The following WDFY1 variants were observed in gnomAD, a reference collection of about 807,000 sequenced individuals.
WDFY1 encodes the protein WD repeat and FYVE domain containing 1, also known as WD repeat and FYVE domain-containing protein 1.
Under a neutral mutation model 56.4 loss-of-function variants are expected in WDFY1, and 32 were observed. The observed-to-expected ratio is 0.57, with a 90% CI of 0.43 to 0.76. WDFY1 has a LOEUF of 0.76. WDFY1 is among the 30% of genes least tolerant of loss of function. The pLI is 0.00. For missense variants in WDFY1, 480 were observed against 545.7 expected (o/e 0.88, Z 1.20); for synonymous variants, 192 against 197.3 (o/e 0.97, Z 0.23).
intron 1 of WDFY1, among the ~76,000 whole-genome samples, chr2:223,942,527 C>CTTTTTTTTTTTTTTTTT (rs57223015): frequency 5.4e-5 from 4 of 74,218 alleles, no homozygotes; most frequent in African/African-American, 1.2e-4. Context: ...CAAAGGCTAA[C>CTTTTTTTTTTTTTTTTT]TTTTTTTTTT....
intron 8 of WDFY1, among the ~76,000 whole-genome samples, chr2:223,887,098 G>T (rs1693185780): frequency 6.6e-6 from 1 of 152,190 alleles, no homozygotes; most frequent in Non-Finnish European, 1.5e-5. Flanking sequence ...AAAGAGATGT[G>T]TATCTATGTG....
intron 1 of WDFY1, among the ~76,000 whole-genome samples, chr2:223,931,815 AGCTGGGACTACAG>A (rs1694079996): frequency 6.6e-6 from 1 of 151,482 alleles, no homozygotes; most frequent in African/African-American, 2.4e-5. Context: ...CTTCCCAAGT[AGCTGGGACTACAG>A]GCATGCACTA....
At chr2:223,886,816 AAAAT>A (rs199688532) in intron 8 of WDFY1, among the ~76,000 whole-genome samples, 3,355 of 150,918 alleles carry the variant, frequency 0.022, 61 homozygotes, top group Middle Eastern at 0.038. Context: ...TATTTTTTCT[AAAAT>A]ATATATTAAT....
intron 1 of WDFY1, among the ~76,000 whole-genome samples, chr2:223,921,523 T>C (rs1283372958): frequency 2.6e-5 from 4 of 152,172 alleles, no homozygotes; most frequent in African/African-American, 9.6e-5. Context: ...TATCCAGCAA[T>C]TAAAATAGGT....
intron 1 of WDFY1, among the ~76,000 whole-genome samples, chr2:223,938,991 A>C (rs1290315467): frequency 6.6e-6 from 1 of 151,682 alleles, no homozygotes; most frequent in African/African-American, 2.4e-5. Flanking sequence ...AGTAGCTAGG[A>C]TTACAGGTGC....
At chr2:223,932,295 T>C (rs1000363466) in intron 1 of WDFY1, among the ~76,000 whole-genome samples, 3 of 151,852 alleles carry the variant, frequency 2.0e-5, no homozygotes, top group African/African-American at 7.3e-5. Context: ...GCTAATTTTT[T>C]GTATTTTTAG....
chr2:223,897,403 G>C (rs1553536127), intron 6 of WDFY1, among the ~76,000 whole-genome samples: 1 of 88,848 alleles, frequency 1.1e-5, no homozygotes, highest in Non-Finnish European at 2.3e-5. Context: ...TTTTAAGACG[G>C]AGTCTCTCTC....
chr2:223,901,754 T>C (rs937092590), intron 4 of WDFY1, among the ~76,000 whole-genome samples: 5 of 152,176 alleles, frequency 3.3e-5, no homozygotes, highest in African/African-American at 1.2e-4. Context: ...GTAACTTCAG[T>C]GTTTTGAACC....
intron 11 of WDFY1, 84 bp from the exon 12 acceptor site, chr2:223,878,814 G>T: frequency 6.7e-7 from 1 of 1,492,814 alleles, no homozygotes; most frequent in Non-Finnish European, 9.2e-7. Context: ...ACAAACGACT[G>T]TTAAACCTGA....
rs764773579 is a variant in WDFY1 at position 223,895,644 on chromosome 2, A to T, written c.599-14T>A. The T allele has an allele frequency of 1.6e-5, 17 of 1,032,306 alleles. No individual in the cohort carries two copies. Among genetic ancestry groups the T allele is most frequent in the Non-Finnish European group, 2.1e-5 (16 of 777,934 alleles). 63.9% of individuals were successfully genotyped at this position (1,032,306 alleles called of 1,614,324 possible). On this transcript the variant is annotated splice_polypyrimidine_tract_variant and intron_variant, in intron 6 of 11. Coordinates refer to ENST00000233055, the MANE Select transcript of WDFY1 (RefSeq NM_020830.5). The stretch of plus-strand genomic sequence containing the variant: ...AGGCGACACTACCTAGGGATTTGTG[A>T]GAGAGAGAGAGAGAGGGAGGCAGGG...
chr2:223,897,699 T>C (rs549270019), intron 6 of WDFY1, among the ~76,000 whole-genome samples: 2 of 152,194 alleles, frequency 1.3e-5, no homozygotes, highest in South Asian at 4.2e-4. Flanking sequence ...CATGTTAAAC[T>C]GTAATCCCCA....
chr2:223,895,022 C>T (rs1693340583), intron 7 of WDFY1, among the ~76,000 whole-genome samples: 1 of 152,214 alleles, frequency 6.6e-6, no homozygotes, highest in Admixed American at 6.5e-5. Flanking sequence ...ACAATGGTAT[C>T]ACTCAGGTGA....
chr2:223,884,515 G>T, intron 9 of WDFY1, 133 bp downstream of exon 9: 2 of 823,368 alleles, frequency 2.4e-6, no homozygotes, highest in Non-Finnish European at 4.0e-6. Context: ...GTCACACAAT[G>T]ATAAAGACAT....
intron 3 of WDFY1, among the ~76,000 whole-genome samples, chr2:223,911,551 T>C (rs976746146): frequency 1.3e-5 from 2 of 149,054 alleles, no homozygotes; most frequent in African/African-American, 5.0e-5. Flanking sequence ...GTTCTGTGAG[T>C]TGCTAGCTGA....
At position 223,918,012 on chromosome 2, in the gene WDFY1, T is replaced by C; in HGVS notation, c.138-2A>G. On this transcript the variant is annotated splice_acceptor_variant, in intron 1 of 11. Transcript: ENST00000233055. LOFTEE classifies it high-confidence loss of function. ...CTTTTCAGCCATACCCGGATGGTTC[T>C]GTGGAGAAAAGAAAAGAAAAAATAG... 1 of 1,613,486 alleles carries C rather than the reference T, an allele frequency of 6.2e-7. No individual in the cohort carries two copies. The highest frequency in any genetic ancestry group is 8.5e-7 in the Non-Finnish European group (1 of 1,179,868).
Position 223,945,265 on chromosome 2 carries a change from G to T in WDFY1, c.20C>A (p.Ser7Tyr), listed in dbSNP as rs978730244. MAAEIH[S>Y]RPQSSRPVLL... ...CACCGGGCGGCTGCTCTGCGGCCTG[G>T]AGTGGATTTCGGCCGCCATGTTCGC... Residue 7 changes from serine to tyrosine, a missense_variant, in exon 1 of 12, where the codon TCC (serine) becomes TAC (tyrosine). By Grantham distance (144) the Ser-to-Tyr change is moderately radical (BLOSUM62 -2). Transcript: ENST00000233055. 1.9e-6 allele frequency: 3 copies of T among 1,580,816 alleles called. No individual in the cohort carries two copies. Among genetic ancestry groups the T allele is most frequent in the South Asian group, 1.1e-5 (1 of 88,794 alleles).
At chr2:223,880,062 C>T in intron 11 of WDFY1, 62 bp downstream of exon 11, 3 of 1,380,080 alleles carry the variant, frequency 2.2e-6, no homozygotes, top group South Asian at 1.2e-5. Context: ...GTCTCCTGCA[C>T]ATTCACAGCA....
chr2:223,890,491 A>G (rs957687810), intron 8 of WDFY1, among the ~76,000 whole-genome samples: 4 of 152,210 alleles, frequency 2.6e-5, no homozygotes, highest in African/African-American at 9.6e-5. Flanking sequence ...TTTTTAGAAC[A>G]TATTTTAATA....
chr2:223,897,063 C>T (rs1252394968), intron 6 of WDFY1, among the ~76,000 whole-genome samples: 2 of 152,022 alleles, frequency 1.3e-5, no homozygotes, highest in African/African-American at 4.8e-5. Context: ...TCTTCTTTTC[C>T]CCTACAGGGT....
Sources: allele counts gnomAD v4.1 joint callset (sites outside exome capture counted in the v4.1 genomes callset), GRCh38; gene constraint gnomAD v4.1.1; transcripts MANE v1.5; gene names NCBI Gene and HGNC (gene_info 2026-07-23, HGNC 2026-07-21).